Variants in TMEFF2 observed in about 807,000 individuals in gnomAD.
TMEFF2 encodes transmembrane protein with EGF like and two follistatin like domains 2.
Under a neutral mutation model 53.8 loss-of-function variants are expected in TMEFF2, and 28 were observed. That is an observed-to-expected ratio of 0.52 (90% CI 0.39 to 0.71). TMEFF2 has a LOEUF of 0.71. Ranked by LOEUF, TMEFF2 falls within the 30% of genes least tolerant of loss-of-function variation. The pLI is 0.00. For synonymous variants in TMEFF2, 162 were observed against 166.3 expected (o/e 0.97, Z 0.20); for missense variants, 353 against 455.2 (o/e 0.78, Z 2.04).
In TMEFF2 at chr2:192,075,306, T is replaced by TAAATATATATATATATAAATATAA. The variant is rs1559115075; in HGVS notation, c.440-17532_440-17531insTTATATTTATATATATATATATTT. ...ACTATTATATATATATATATATATA[T>TAAATATATATATATATAAATATAA]ATATATATATATATATATATATATA... is the stretch of plus-strand genomic sequence containing the variant. On this transcript the variant is annotated intron_variant, in intron 4 of 9. Transcript: ENST00000272771. 9.2e-4 allele frequency among the ~76,000 whole-genome samples: 53 copies of TAAATATATATATATATAAATATAA among 57,746 alleles called. 3 individuals carry two copies. Among genetic ancestry groups the TAAATATATATATATATAAATATAA allele is most frequent in the Admixed American group, 3.0e-3 (17 of 5,686 alleles). The allele number at this position is 57,746 out of a possible 152,430, so 37.9% of individuals were successfully genotyped here.
chr2:192,088,857 A>C (rs1688726630), intron 4 of TMEFF2, among the ~76,000 whole-genome samples: 4 of 152,106 alleles, frequency 2.6e-5, no homozygotes, highest in Admixed American at 2.6e-4. Context: ...CTTCTTACAG[A>C]AGTCTTTCTC....
At chr2:191,996,583 C>A (rs1686227382) in intron 7 of TMEFF2, among the ~76,000 whole-genome samples, 1 of 151,424 alleles carries the variant, frequency 6.6e-6, no homozygotes, top group East Asian at 1.9e-4. Flanking sequence ...GATAATATTT[C>A]TGTGGATCAG....
At chr2:192,171,707 A>C (rs1690918807) in intron 4 of TMEFF2, among the ~76,000 whole-genome samples, 1 of 151,900 alleles carries the variant, frequency 6.6e-6, no homozygotes, top group Non-Finnish European at 1.5e-5. Context: ...CCTCATCTGC[A>C]GGATTTGCCC....
intron 4 of TMEFF2, among the ~76,000 whole-genome samples, chr2:192,154,670 C>G (rs748363451): frequency 1.3e-5 from 2 of 151,878 alleles, no homozygotes; most frequent in South Asian, 2.1e-4. Context: ...ATAGCAGGTA[C>G]GTTCTTTTCT....
chr2:192,133,210 G>C (rs1689901611), intron 4 of TMEFF2, among the ~76,000 whole-genome samples: 1 of 152,084 alleles, frequency 6.6e-6, no homozygotes, highest in Non-Finnish European at 1.5e-5. Flanking sequence ...CTGCTTCCCT[G>C]ACTATTCCTG....
chr2:192,136,103 C>G (rs1182313217), intron 4 of TMEFF2, among the ~76,000 whole-genome samples: 1 of 152,084 alleles, frequency 6.6e-6, no homozygotes, highest in Non-Finnish European at 1.5e-5. Flanking sequence ...CACACAGACG[C>G]GCATGAAAGA....
intron 4 of TMEFF2, among the ~76,000 whole-genome samples, chr2:192,130,686 G>C (rs977110560): frequency 6.6e-6 from 1 of 151,280 alleles, no homozygotes; most frequent in Admixed American, 6.6e-5. Context: ...CAAATCCTAT[G>C]AAACGGCCCC....
intron 5 of TMEFF2, among the ~76,000 whole-genome samples, chr2:192,004,673 A>C (rs547385564): frequency 6.6e-5 from 10 of 152,310 alleles, no homozygotes; most frequent in African/African-American, 2.4e-4. Flanking sequence ...AAAAGGTAGC[A>C]ATTATCATAT....
At chr2:192,094,439 C>T (rs1688858391) in intron 4 of TMEFF2, among the ~76,000 whole-genome samples, 1 of 151,986 alleles carries the variant, frequency 6.6e-6, no homozygotes, top group Admixed American at 6.6e-5. Context: ...TAAAATTCTA[C>T]CAGAGGCCAA....
At chr2:192,148,923 A>C (rs1344866270) in intron 4 of TMEFF2, among the ~76,000 whole-genome samples, 1 of 152,008 alleles carries the variant, frequency 6.6e-6, no homozygotes, top group Non-Finnish European at 1.5e-5. Context: ...TTTTTAAACA[A>C]ATGTATTTTT....
At chr2:191,974,560 C>T (rs973454464) in intron 7 of TMEFF2, among the ~76,000 whole-genome samples, 2 of 152,010 alleles carry the variant, frequency 1.3e-5, no homozygotes, top group African/African-American at 4.8e-5. Context: ...AGTTCACAAC[C>T]TAAAGAAGGC....
intron 2 of TMEFF2, among the ~76,000 whole-genome samples, chr2:192,185,053 T>C (rs1691278085): frequency 6.6e-6 from 1 of 152,054 alleles, no homozygotes; most frequent in Non-Finnish European, 1.5e-5. Context: ...TAGACTATTG[T>C]ATATTGATGT....
intron 4 of TMEFF2, among the ~76,000 whole-genome samples, chr2:192,160,007 C>T (rs192123328): frequency 3.3e-5 from 5 of 152,248 alleles, no homozygotes; most frequent in Admixed American, 6.6e-5. Context: ...AATGAATAGA[C>T]TCTATTGCTG....
At position 192,059,678 on chromosome 2, in the gene TMEFF2, G is replaced by T. The variant is rs555417790; in HGVS notation, c.440-1903C>A. ...AGGGATTGACTGGAGGTCATCCAGG[G>T]ATAAATTTTGCTATCTCAGCAGGAC... is the stretch of plus-strand genomic sequence containing the variant. On this transcript the variant is annotated intron_variant, in intron 4 of 9. Transcript: ENST00000272771. 3.0e-4 allele frequency among the ~76,000 whole-genome samples: 46 copies of T among 152,240 alleles called. No homozygotes were observed. In the South Asian group the frequency reaches 9.5e-3, roughly 32 times the overall value.
chr2:191,967,759 C>T (rs1692511536), intron 7 of TMEFF2, among the ~76,000 whole-genome samples: 1 of 152,148 alleles, frequency 6.6e-6, no homozygotes, highest in South Asian at 2.1e-4. Context: ...CCAGGTCTAT[C>T]TTAGCTCCTC....
At chr2:192,056,047 T>C (rs1428532251) in intron 5 of TMEFF2, among the ~76,000 whole-genome samples, 1 of 152,158 alleles carries the variant, frequency 6.6e-6, no homozygotes, top group Non-Finnish European at 1.5e-5. Flanking sequence ...TCAGATAGAA[T>C]CTTCACTTAA....
In TMEFF2 at chr2:192,077,667, A is replaced by G. The variant is rs543453134; in HGVS notation, c.440-19892T>C. On this transcript the variant is annotated intron_variant, in intron 4 of 9. Coordinates refer to ENST00000272771, the MANE Select transcript of TMEFF2 (RefSeq NM_016192.4). ...AGGAATGAGGAATGTCAATTATATA[A>G]TAATGTCTGAGTGGATACAGAAGGT... Among the ~76,000 whole-genome samples, 11 of 152,142 alleles carry G rather than the reference A, an allele frequency of 7.2e-5. No individual in the cohort carries two copies. In the South Asian group the frequency reaches 2.1e-3, roughly 29 times the overall value.
chr2:191,979,826 A>ATATATC (rs912679983), intron 7 of TMEFF2, among the ~76,000 whole-genome samples: 12 of 151,770 alleles, frequency 7.9e-5, no homozygotes, highest in Non-Finnish European at 1.2e-4. Flanking sequence ...TATGATTAAT[A>ATATATC]TATATCTATA....
At chr2:192,108,855 ATTAT>A (rs1252941815) in intron 4 of TMEFF2, among the ~76,000 whole-genome samples, 1 of 152,050 alleles carries the variant, frequency 6.6e-6, no homozygotes, top group Admixed American at 6.6e-5. Flanking sequence ...CTGATGGAAT[ATTAT>A]TTAGCCATAA....
Sources: gnomAD v4.1 joint callset for allele counts (sites outside exome capture counted in the v4.1 genomes callset) on GRCh38, gnomAD v4.1.1 for gene constraint, MANE v1.5 for transcripts, NCBI Gene and HGNC (gene_info 2026-07-23, HGNC 2026-07-21) for gene names.